The following UBASH3A variants were observed in gnomAD, a reference collection of about 807,000 sequenced individuals.
UBASH3A encodes the protein ubiquitin-associated and SH3 domain-containing protein A.
A neutral mutation model predicts 73.5 loss-of-function variants in UBASH3A; 63 were observed. That is an observed-to-expected ratio of 0.86 (90% confidence interval 0.70 to 1.06). The LOEUF (loss-of-function observed/expected upper bound fraction) is 1.06. Among genes scored for constraint, UBASH3A ranks in the 50% least tolerant of loss-of-function variants. The pLI is 0.00. For synonymous variants in UBASH3A, 363 were observed against 351.1 expected (o/e 1.03, Z -0.38); for missense variants, 860 against 859.0 (o/e 1.00, Z -0.02).
Position 42,447,077 on chromosome 21 carries a change from C to G in UBASH3A, c.1869C>G (p.Cys623Trp). The part of the protein sequence containing the change: ...LVRKIPSLGM[C>W]FCEENKEEGK... ...TCCAGATCCCTTCCCTGGGCATGTG[C>G]TTCTGTGAAGAAAATAAAGAGGAAG... is the stretch of plus-strand genomic sequence containing the variant. The change falls in exon 15 of 15, where the codon TGC (cysteine) becomes TGG (tryptophan). Residue 623 changes from cysteine (C) to tryptophan (W), a missense_variant. Transcript: ENST00000319294. 6.2e-7 allele frequency: 1 copy of G among 1,613,982 alleles called. No homozygotes were observed. The highest frequency in any genetic ancestry group is 8.5e-7 in the Non-Finnish European group (1 of 1,179,936).
At chr21:42,409,307 T>G in intron 2 of UBASH3A, 115 bp from the exon 3 acceptor site, 1 of 1,072,870 alleles carries the variant, frequency 9.3e-7, no homozygotes, top group Non-Finnish European at 1.3e-6. Flanking sequence ...ATATGATGTC[T>G]TCAGTGTGCC....
At chr21:42,406,208 C>T (rs2052971809) in intron 1 of UBASH3A, 100 bp from the exon 2 acceptor site, 1 of 949,194 alleles carries the variant, frequency 1.1e-6, no homozygotes, top group African/African-American at 1.6e-5. Context: ...TTCAGAGCAC[C>T]CCCCAAAGAT....
At chr21:42,424,791 G>A (rs1466686257) in intron 7 of UBASH3A, among the ~76,000 whole-genome samples, 1 of 152,200 alleles carries the variant, frequency 6.6e-6, no homozygotes, top group African/African-American at 2.4e-5. Flanking sequence ...GAACTTATTT[G>A]GAGACAGGGT....
At chr21:42,416,662 C>T (rs776042139) in intron 6 of UBASH3A, 51 bp downstream of exon 6, 4 of 1,419,728 alleles carry the variant, frequency 2.8e-6, no homozygotes, top group Non-Finnish European at 3.7e-6. Context: ...GGGCTGGGCT[C>T]GGTGGCTCAC....
chr21:42,432,326 G>A, intron 9 of UBASH3A, 124 bp downstream of exon 9: 1 of 629,220 alleles, frequency 1.6e-6, no homozygotes, highest in Non-Finnish European at 2.8e-6. Flanking sequence ...ATGACCATGT[G>A]TAGACTGTAT....
Position 42,432,187 on chromosome 21 carries a change from TG to T in UBASH3A, c.1256del (p.Cys419SerfsTer13). ...CTTCGGGAAGGCATGGCTGCAGCAA[TG>T]CTCCACTCCTGATGGTAGGTCACAC... is the stretch of plus-strand genomic sequence containing the variant. Reference protein sequence around the residue: ...QIFGKAWLQQCSTPDGKYYRP... With the variant: ...QIFGKAWLQQXSTPDGKYYRP... On this transcript the variant is annotated frameshift_variant, in exon 9 of 15. Coordinates refer to ENST00000319294, the MANE Select transcript of UBASH3A (RefSeq NM_018961.4). LOFTEE classifies it high-confidence loss of function. 1.9e-6 allele frequency: 3 copies of T among 1,612,742 alleles called. No individual in the cohort carries two copies. The highest frequency in any genetic ancestry group is 2.5e-6 in the Non-Finnish European group (3 of 1,179,118).
chr21:42,425,997 AAG>A (rs774261501), intron 7 of UBASH3A, among the ~76,000 whole-genome samples: 7 of 151,928 alleles, frequency 4.6e-5, no homozygotes, highest in Non-Finnish European at 4.4e-5. Flanking sequence ...CCGAGAGAGA[AAG>A]AGAGAGAGAG....
intron 2 of UBASH3A, among the ~76,000 whole-genome samples, chr21:42,408,862 G>A (rs1228365443): frequency 7.1e-6 from 1 of 140,194 alleles, no homozygotes; most frequent in Non-Finnish European, 1.5e-5. Flanking sequence ...CAGCCTGGGT[G>A]ACAGAGAAAG....
chr21:42,445,796 C>T (rs943900118), intron 14 of UBASH3A, among the ~76,000 whole-genome samples: 2 of 152,164 alleles, frequency 1.3e-5, no homozygotes, highest in African/African-American at 4.8e-5. Context: ...CATTTCCGAG[C>T]GCCCTGGATT....
At chr21:42,438,932 G>T (rs922660198) in intron 11 of UBASH3A, among the ~76,000 whole-genome samples, 3 of 152,228 alleles carry the variant, frequency 2.0e-5, no homozygotes, top group Admixed American at 6.5e-5. Flanking sequence ...GCTGGGACTT[G>T]CACATGGGGC....
At chr21:42,432,033 T>C in intron 8 of UBASH3A, 70 bp from the exon 9 acceptor site, 1 of 890,614 alleles carries the variant, frequency 1.1e-6, no homozygotes, top group Non-Finnish European at 1.8e-6. Flanking sequence ...CTGGGAGAGC[T>C]GCCATTGGTG....
chr21:42,432,885 C>A (rs1000432508), intron 9 of UBASH3A, among the ~76,000 whole-genome samples: 2 of 152,314 alleles, frequency 1.3e-5, no homozygotes, highest in East Asian at 3.9e-4. Flanking sequence ...CTCTATAAAA[C>A]AAGATCAAGT....
intron 3 of UBASH3A, among the ~76,000 whole-genome samples, chr21:42,411,402 A>C (rs536984627): frequency 1.3e-5 from 2 of 152,074 alleles, no homozygotes; most frequent in African/African-American, 4.8e-5. Flanking sequence ...AAACACAGAC[A>C]TGCACATACA....
At position 42,426,742 on chromosome 21, in the gene UBASH3A, T is replaced by C. The variant is rs1241087647; in HGVS notation, c.1092T>C (p.Asp364=). 1.2e-6 allele frequency: 2 copies of C among 1,614,166 alleles called. No homozygotes were observed. Among genetic ancestry groups the C allele is most frequent in the South Asian group, 1.1e-5 (1 of 91,086 alleles). The change falls in exon 8 of 15, where the codon GAT becomes GAC. Residue 364 remains aspartate (D), a synonymous_variant. Transcript: ENST00000319294. ...CCACAGACCTGAACTCCAGAAAGGA[T>C]GGTGAAGCCAGCAGCAGATGCAGCG... is the stretch of plus-strand genomic sequence containing the variant. ...SLATDLNSRK[D]GEASSRCSGE...
At chr21:42,418,676 G>T (rs919342691) in intron 7 of UBASH3A, 67 bp downstream of exon 7, 5 of 1,444,740 alleles carry the variant, frequency 3.5e-6, no homozygotes, top group Admixed American at 1.9e-5. Context: ...GTGCCCACCT[G>T]CCAACAGTGT....
At chr21:42,433,526 A>G (rs78274147) in intron 9 of UBASH3A, among the ~76,000 whole-genome samples, 1 of 152,146 alleles carries the variant, frequency 6.6e-6, no homozygotes, top group African/African-American at 2.4e-5. Context: ...CTGCCCCCAG[A>G]GTGATCACAG....
At position 42,404,058 on chromosome 21, in the gene UBASH3A, C is replaced by T. The variant is rs943156421; in HGVS notation, c.113C>T (p.Ala38Val). ...LLAMGFPVHT[A>V]LKALAATGRK... ...GCCATGGGCTTCCCGGTGCACACCGCGTGAGTACTGCCCAGAGACCCCGGG... is the reference window on the plus strand; with the variant it reads ...GCCATGGGCTTCCCGGTGCACACCGTGTGAGTACTGCCCAGAGACCCCGGG... The change falls in exon 1 of 15, where the codon GCG (alanine) becomes GTG (valine). Residue 38 changes from alanine (A) to valine (V), a missense_variant and splice_region_variant. By Grantham distance (64) the Ala-to-Val change is moderately conservative (BLOSUM62 0). Transcript: ENST00000319294. 2.8e-5 allele frequency: 42 copies of T among 1,496,070 alleles called. No homozygotes were observed. The African/African-American group carries it at 5.1e-4, about 18-fold the overall frequency. 92.7% of individuals were successfully genotyped at this position (1,496,070 alleles called of 1,614,324 possible).
chr21:42,438,448 G>A (rs959520758), intron 11 of UBASH3A, among the ~76,000 whole-genome samples: 1 of 152,162 alleles, frequency 6.6e-6, no homozygotes, highest in Admixed American at 6.5e-5. Context: ...CAGAGTGACC[G>A]CTGGGCAGCA....
Position 42,416,557 on chromosome 21 carries a change from C to T in UBASH3A, c.783C>T (p.Ser261=), listed in dbSNP as rs1378353860. ...CCAGAGCCATCCCCCTGGGCCACAG[C>T]TGCCAGTGGACCGCAGCACTCTACT... ...QLARAIPLGH[S]CQWTAALYSR... The change falls in exon 6 of 15, where the codon AGC becomes AGT. Residue 261 remains serine (S), a synonymous_variant. Transcript: ENST00000319294. 3 of 1,609,878 alleles carry T rather than the reference C, an allele frequency of 1.9e-6. No homozygotes were observed. The East Asian group carries it at 6.8e-5, about 36-fold the overall frequency.
Sources: gnomAD v4.1 joint callset for allele counts (sites outside exome capture counted in the v4.1 genomes callset) on GRCh38, gnomAD v4.1.1 for gene constraint, MANE v1.5 for transcripts, NCBI Gene and HGNC (gene_info 2026-07-23, HGNC 2026-07-21) for gene names.